Variants in PIK3R3 observed in about 807,000 individuals in gnomAD.
The protein encoded by PIK3R3 is phosphoinositide-3-kinase regulatory subunit 3.
A neutral mutation model predicts 62.9 loss-of-function variants in PIK3R3; 64 were observed. That is an observed-to-expected ratio of 1.02 (90% CI 0.83 to 1.25). The LOEUF (loss-of-function observed/expected upper bound fraction) is 1.25, where lower values mean the gene tolerates loss of function less well. Among genes scored for constraint, PIK3R3 ranks in the 50% most tolerant of loss-of-function variants. The pLI, the probability that PIK3R3 is intolerant of heterozygous loss-of-function variation, is 0.00. For missense variants in PIK3R3, 614 were observed against 561.6 expected (o/e 1.09, Z -0.94); for synonymous variants, 165 against 189.0 (o/e 0.87, Z 1.04).
chr1:46,109,762 G>A (rs1483271303), intron 1 of PIK3R3, among the ~76,000 whole-genome samples: 1 of 152,104 alleles, frequency 6.6e-6, no homozygotes, highest in East Asian at 1.9e-4. Flanking sequence ...GATTACAGGC[G>A]TGAGCTACCA....
At chr1:46,048,086 T>A (rs1647164699) in intron 7 of PIK3R3, 1 of 152,340 alleles carries the variant, frequency 6.6e-6, no homozygotes, top group African/African-American at 2.4e-5. Context: ...AGGCCTATTT[T>A]ATATTTGTAT....
At chr1:46,116,660 C>T (rs1425595012) in intron 1 of PIK3R3, among the ~76,000 whole-genome samples, 1 of 126,298 alleles carries the variant, frequency 7.9e-6, no homozygotes, top group South Asian at 2.5e-4. Context: ...AAACTCCATC[C>T]AAAAAAAAAA....
Position 46,122,658 on chromosome 1 carries a change from G to A in PIK3R3, c.106+9189C>T, listed in dbSNP as rs138096063. On this transcript the variant is annotated intron_variant, in intron 1 of 9. Coordinates refer to ENST00000262741, the MANE Select transcript of PIK3R3 (RefSeq NM_003629.4). ...GCTGGGATTACAGGTGTGAGCCACCGCGCCCGGCCTATTCATTTCTAATTG... is the reference window on the plus strand; with the variant it reads ...GCTGGGATTACAGGTGTGAGCCACCACGCCCGGCCTATTCATTTCTAATTG... Among the ~76,000 whole-genome samples, 1,061 of 152,170 alleles carry A rather than the reference G, an allele frequency of 7.0e-3. 13 individuals are homozygous for A. The highest frequency in any genetic ancestry group is 0.025 in the African/African-American group (1,022 of 41,496).
chr1:46,086,553 A>G (rs1476122711), intron 1 of PIK3R3, among the ~76,000 whole-genome samples: 1 of 151,988 alleles, frequency 6.6e-6, no homozygotes, highest in African/African-American at 2.4e-5. Context: ...TACAAAAATT[A>G]GCTGAGAGTG....
intron 7 of PIK3R3, among the ~76,000 whole-genome samples, chr1:46,055,056 C>T (rs1374116473): frequency 1.3e-5 from 2 of 151,088 alleles, no homozygotes; most frequent in Non-Finnish European, 2.9e-5. Flanking sequence ...GCGCCCACCA[C>T]TATGCCCAGC....
In PIK3R3 at chr1:46,066,161, C is replaced by T; in HGVS notation, c.514G>A (p.Asp172Asn). The T allele has an allele frequency of 6.3e-7, 1 of 1,575,072 alleles. No homozygotes were observed. Among genetic ancestry groups the T allele is most frequent in the Non-Finnish European group, 8.7e-7 (1 of 1,145,532 alleles). The change falls in exon 5 of 10, where the codon GAT (aspartate) becomes AAT (asparagine). Residue 172 changes from aspartate to asparagine, a missense_variant. Physicochemically the swap from Asp to Asn is conservative, Grantham distance 23. Transcript: ENST00000262741. ...TTTTTACCTACTGCATCAATATTATCTTCTTTTACCAACTGATCCTATACA... is the reference window on the plus strand; with the variant it reads ...TTTTTACCTACTGCATCAATATTATTTTCTTTTACCAACTGATCCTATACA... ...RYQQDQLVKE[D>N]NIDAVGKKLQ... is the part of the protein sequence containing the mutation.
chr1:46,059,209 C>A (rs545590829), intron 6 of PIK3R3, among the ~76,000 whole-genome samples: 1 of 152,316 alleles, frequency 6.6e-6, no homozygotes, highest in South Asian at 2.1e-4. Context: ...TCCCTAGTCA[C>A]GTGGAACTGT....
intron 1 of PIK3R3, among the ~76,000 whole-genome samples, chr1:46,103,219 G>A (rs898372867): frequency 6.6e-6 from 1 of 152,186 alleles, no homozygotes; most frequent in Non-Finnish European, 1.5e-5. Flanking sequence ...TGTGCAAGAT[G>A]AAATCTGGAG....
At chr1:46,136,059 A>T (rs1422000117), upstream of PIK3R3, among the ~76,000 whole-genome samples, 1 of 150,722 alleles carries the variant, frequency 6.6e-6, no homozygotes, top group Non-Finnish European at 1.5e-5. Context: ...GCCTTGCAAA[A>T]TGGAAATATA....
At chr1:46,117,221 T>C (rs1222930309) in intron 1 of PIK3R3, among the ~76,000 whole-genome samples, 1 of 152,002 alleles carries the variant, frequency 6.6e-6, no homozygotes, top group Non-Finnish European at 1.5e-5. Flanking sequence ...TCCTTTGAGC[T>C]CAGGAGTTCA....
chr1:46,137,514 A>G (rs548272467), upstream of PIK3R3, among the ~76,000 whole-genome samples: 538 of 152,338 alleles, frequency 3.5e-3, 7 homozygotes, highest in Non-Finnish European at 1.7e-3. Context: ...GCAATTCACA[A>G]TTAACTCTAA....
chr1:46,106,399 C>CCAAG (rs1262102319), intron 1 of PIK3R3, among the ~76,000 whole-genome samples: 2 of 152,158 alleles, frequency 1.3e-5, no homozygotes, highest in Non-Finnish European at 2.9e-5. Context: ...AGCTATCATA[C>CCAAG]CAAGCCTCAA....
chr1:46,164,995 A>G, the PIK3R3 span, among the ~76,000 whole-genome samples: 1 of 151,910 alleles, frequency 6.6e-6, no homozygotes, highest in South Asian at 2.1e-4. Flanking sequence ...ACTATGCCCA[A>G]TTAAGTTTTC....
chr1:46,129,707 C>A (rs906143987), intron 1 of PIK3R3, among the ~76,000 whole-genome samples: 1 of 152,088 alleles, frequency 6.6e-6, no homozygotes, highest in African/African-American at 2.4e-5. Context: ...CTTAATTTAT[C>A]ACATAAAACA....
At chr1:46,093,618 G>A (rs1651841896) in intron 1 of PIK3R3, among the ~76,000 whole-genome samples, 1 of 152,016 alleles carries the variant, frequency 6.6e-6, no homozygotes, top group African/African-American at 2.4e-5. Context: ...AGCCAAGTGT[G>A]GTGGCTCATG....
At chr1:46,133,484 G>A (rs560843174), upstream of PIK3R3, among the ~76,000 whole-genome samples, 13 of 152,306 alleles carry the variant, frequency 8.5e-5, no homozygotes, top group African/African-American at 3.1e-4. Context: ...GAGGTCTCTG[G>A]GGAGACTCCT....
Position 46,077,511 on chromosome 1 carries a change from T to G in PIK3R3, c.314+4A>C. The G allele has an allele frequency of 6.4e-7, 1 of 1,563,862 alleles. No individual in the cohort carries two copies. Among genetic ancestry groups the G allele is most frequent in the Non-Finnish European group, 8.8e-7 (1 of 1,134,384 alleles). On this transcript the variant is annotated splice_donor_region_variant and intron_variant, in intron 3 of 9. Transcript: ENST00000262741. ...AACTAGCCAAAAGACTGAAAAGTAC[T>G]TACCGCAAAGTCAAAGTATAATCTC... is the stretch of plus-strand genomic sequence containing the variant.
At chr1:46,078,513 G>A (rs932006259) in intron 2 of PIK3R3, among the ~76,000 whole-genome samples, 9 of 152,182 alleles carry the variant, frequency 5.9e-5, no homozygotes, top group Non-Finnish European at 1.2e-4. Context: ...CTGCACGCCA[G>A]CCTGGGGGAC....
At chr1:46,088,882 A>G (rs1557597681) in intron 1 of PIK3R3, among the ~76,000 whole-genome samples, 1 of 151,448 alleles carries the variant, frequency 6.6e-6, no homozygotes, top group Non-Finnish European at 1.5e-5. Context: ...ACAAGGGGAA[A>G]AAAAAAAAAA....
Sources: gnomAD v4.1 joint callset for allele counts (sites outside exome capture counted in the v4.1 genomes callset) on GRCh38, gnomAD v4.1.1 for gene constraint, MANE v1.5 for transcripts, NCBI Gene and HGNC (gene_info 2026-07-23, HGNC 2026-07-21) for gene names.